The following CDH6 variants were observed in gnomAD, a reference collection of about 807,000 sequenced individuals.
The protein encoded by CDH6 is cadherin 6.
A neutral mutation model predicts 78.0 loss-of-function variants in CDH6; 31 were observed. The ratio of observed to expected loss-of-function variants is 0.40; its 90% CI spans 0.30 to 0.54. CDH6 has a LOEUF of 0.54. Ranked by LOEUF, CDH6 falls within the 20% of genes least tolerant of loss-of-function variation. The pLI, the probability that CDH6 is intolerant of heterozygous loss-of-function variation, is 0.56. For synonymous variants in CDH6, 376 were observed against 368.8 expected (o/e 1.02, Z -0.23); for missense variants, 724 against 975.9 (o/e 0.74, Z 3.44).
At chr5:31,223,254 A>G (rs1052593678) in intron 1 of CDH6, among the ~76,000 whole-genome samples, 18 of 152,226 alleles carry the variant, frequency 1.2e-4, no homozygotes, top group Non-Finnish European at 4.4e-5. Context: ...AGTGGCGGAT[A>G]AAAATTGCTC....
chr5:31,246,715 C>T (rs1357924229), intron 1 of CDH6, among the ~76,000 whole-genome samples: 2 of 152,058 alleles, frequency 1.3e-5, no homozygotes, highest in African/African-American at 2.4e-5. Context: ...TTTAAGATAA[C>T]ATTGAAGAGT....
At chr5:31,296,911 C>G (rs1737624995) in intron 3 of CDH6, among the ~76,000 whole-genome samples, 1 of 152,004 alleles carries the variant, frequency 6.6e-6, no homozygotes, top group Admixed American at 6.6e-5. Flanking sequence ...ATGAGTGGCC[C>G]CTGATTGGAC....
chr5:31,297,064 T>C (rs555784978), intron 3 of CDH6, among the ~76,000 whole-genome samples: 1 of 152,290 alleles, frequency 6.6e-6, no homozygotes, highest in African/African-American at 2.4e-5. Context: ...CCCCAAGTCA[T>C]GATCATTCCC....
chr5:31,247,629 G>T (rs1338900941), intron 1 of CDH6, among the ~76,000 whole-genome samples: 1 of 152,190 alleles, frequency 6.6e-6, no homozygotes, highest in Non-Finnish European at 1.5e-5. Context: ...AGGAAGTGTT[G>T]TGCATGCAGA....
intron 7 of CDH6, among the ~76,000 whole-genome samples, chr5:31,310,704 C>T (rs1259330231): frequency 6.6e-6 from 1 of 152,220 alleles, no homozygotes; most frequent in African/African-American, 2.4e-5. Context: ...TTCTGCACAG[C>T]TTCAGGCCCA....
chr5:31,204,108 C>T (rs1740447549), intron 1 of CDH6, among the ~76,000 whole-genome samples: 1 of 152,176 alleles, frequency 6.6e-6, no homozygotes, highest in Non-Finnish European at 1.5e-5. Flanking sequence ...GATAAGAATG[C>T]AGGAATGTCA....
At chr5:31,240,252 T>C (rs1260936346) in intron 1 of CDH6, among the ~76,000 whole-genome samples, 4 of 152,208 alleles carry the variant, frequency 2.6e-5, no homozygotes, top group Admixed American at 2.0e-4. Flanking sequence ...TTGACCATAG[T>C]GATTTTTTTC....
intron 2 of CDH6, among the ~76,000 whole-genome samples, chr5:31,284,680 AGTGAGGGAC>A (rs532420838): frequency 1.0e-3 from 159 of 152,360 alleles, no homozygotes; most frequent in Middle Eastern, 3.4e-3. Context: ...ATGTGATGCC[AGTGAGGGAC>A]GTGAGATGTA....
intron 2 of CDH6, among the ~76,000 whole-genome samples, chr5:31,274,364 C>G (rs1048469860): frequency 1.3e-5 from 2 of 152,214 alleles, no homozygotes; most frequent in African/African-American, 4.8e-5. Context: ...GTTAGAATGT[C>G]TGGCCTTGAT....
chr5:31,214,251 T>C (rs564670991), intron 1 of CDH6, among the ~76,000 whole-genome samples: 2 of 152,294 alleles, frequency 1.3e-5, no homozygotes, highest in East Asian at 3.9e-4. Flanking sequence ...TCAATCACTC[T>C]TGTTTTTAAC....
chr5:31,214,232 T>C (rs1311379418), intron 1 of CDH6, among the ~76,000 whole-genome samples: 1 of 152,082 alleles, frequency 6.6e-6, no homozygotes, highest in South Asian at 2.1e-4. Context: ...ACAAGGCATG[T>C]CAAACAACTC....
At chr5:31,204,610 T>C (rs997834960) in intron 1 of CDH6, among the ~76,000 whole-genome samples, 12 of 152,208 alleles carry the variant, frequency 7.9e-5, no homozygotes, top group African/African-American at 1.4e-4. Context: ...TGAGCATATG[T>C]TTGCTTCCCA....
intron 4 of CDH6, 42 bp downstream of exon 4, chr5:31,297,450 A>G: frequency 6.9e-7 from 1 of 1,456,450 alleles, no homozygotes; most frequent in Non-Finnish European, 9.5e-7. Flanking sequence ...TATAATTTTA[A>G]TTGACATGCT....
At chr5:31,205,740 T>C (rs1470324074) in intron 1 of CDH6, among the ~76,000 whole-genome samples, 1 of 152,222 alleles carries the variant, frequency 6.6e-6, no homozygotes, top group Admixed American at 6.5e-5. Flanking sequence ...TGACTTTTTT[T>C]TGCCTCTCAT....
chr5:31,243,655 T>C, intron 1 of CDH6, among the ~76,000 whole-genome samples: 1 of 152,102 alleles, frequency 6.6e-6, no homozygotes, highest in African/African-American at 2.4e-5. Context: ...ACAACTTCTC[T>C]CCTGGGAGGC....
chr5:31,295,399 G>A (rs1737555948), intron 3 of CDH6, among the ~76,000 whole-genome samples: 1 of 152,092 alleles, frequency 6.6e-6, no homozygotes, highest in African/African-American at 2.4e-5. Context: ...GCACCACTCA[G>A]GGCAACTGTA....
chr5:31,197,459 C>G (rs916099083), intron 1 of CDH6, among the ~76,000 whole-genome samples: 4 of 152,198 alleles, frequency 2.6e-5, no homozygotes, highest in Admixed American at 2.6e-4. Flanking sequence ...GTGACTCAGT[C>G]TGAATTGCAT....
intron 1 of CDH6, among the ~76,000 whole-genome samples, chr5:31,224,769 C>T (rs1016145643): frequency 6.6e-6 from 1 of 152,172 alleles, no homozygotes; most frequent in East Asian, 1.9e-4. Flanking sequence ...GTCTCAAACT[C>T]TTGGGCTCAA....
At chr5:31,263,719 C>G (rs563033004) in intron 1 of CDH6, among the ~76,000 whole-genome samples, 4 of 152,144 alleles carry the variant, frequency 2.6e-5, no homozygotes, top group African/African-American at 9.7e-5. Context: ...ATCCCCACCT[C>G]TTAATACTGC....
Sources: gnomAD v4.1 joint callset for allele counts (sites outside exome capture counted in the v4.1 genomes callset) on GRCh38, gnomAD v4.1.1 for gene constraint, MANE v1.5 for transcripts, NCBI Gene and HGNC (gene_info 2026-07-23, HGNC 2026-07-21) for gene names.